IL1RAP: variants seen among roughly 807,000 people sequenced by gnomAD.
The protein encoded by IL1RAP is interleukin-1 receptor accessory protein.
A neutral mutation model predicts 60.7 loss-of-function variants in IL1RAP; 35 were observed. The observed-to-expected ratio is 0.58, with a 90% CI of 0.44 to 0.76. The LOEUF (loss-of-function observed/expected upper bound fraction) is 0.76. Ranked by LOEUF, IL1RAP falls within the 30% of genes least tolerant of loss-of-function variation. The probability of loss-of-function intolerance (pLI) is 0.00; values close to 1 mark genes in which losing one functional copy is unlikely to be tolerated. For missense variants in IL1RAP, 572 were observed against 693.9 expected (o/e 0.82, Z 1.97); for synonymous variants, 268 against 250.9 (o/e 1.07, Z -0.64).
intron 3 of IL1RAP, among the ~76,000 whole-genome samples, chr3:190,594,646 A>G (rs1331366249): frequency 1.3e-5 from 2 of 152,156 alleles, no homozygotes; most frequent in African/African-American, 4.8e-5. Flanking sequence ...TTTTAAACTG[A>G]GTGGCTATGT....
At chr3:190,637,449 A>G (rs1197985084) in intron 9 of IL1RAP, among the ~76,000 whole-genome samples, 1 of 151,748 alleles carries the variant, frequency 6.6e-6, no homozygotes, top group Non-Finnish European at 1.5e-5. Flanking sequence ...CCTACCATTA[A>G]CATTGGTTAT....
At chr3:190,586,657 T>C (rs1192804074) in intron 3 of IL1RAP, among the ~76,000 whole-genome samples, 2 of 152,212 alleles carry the variant, frequency 1.3e-5, no homozygotes, top group Non-Finnish European at 2.9e-5. Flanking sequence ...TCCCAGACAG[T>C]TGATGGAGGA....
chr3:190,626,662 AC>A (rs1330179481), intron 7 of IL1RAP, among the ~76,000 whole-genome samples: 7 of 129,808 alleles, frequency 5.4e-5, no homozygotes, highest in Non-Finnish European at 9.5e-5. Context: ...ATTGTCAGAG[AC>A]CTTTTTTTTT....
intron 1 of IL1RAP, among the ~76,000 whole-genome samples, chr3:190,554,427 C>A (rs963530115): frequency 6.6e-6 from 1 of 152,166 alleles, no homozygotes; most frequent in Non-Finnish European, 1.5e-5. Context: ...CCCGTTCAAC[C>A]AGTGTGCAGA....
intron 7 of IL1RAP, among the ~76,000 whole-genome samples, chr3:190,624,029 A>G (rs566143783): frequency 1.6e-4 from 25 of 152,236 alleles, no homozygotes; most frequent in Admixed American, 3.3e-4. Flanking sequence ...AACATTTTCT[A>G]TGTTGTATCA....
intron 3 of IL1RAP, among the ~76,000 whole-genome samples, chr3:190,578,589 CTT>C (rs1403249690): frequency 6.6e-6 from 1 of 152,158 alleles, no homozygotes; most frequent in Non-Finnish European, 1.5e-5. Context: ...TACCCAAATA[CTT>C]GGAATTTGAA....
chr3:190,629,601 C>A, intron 9 of IL1RAP, 103 bp downstream of exon 9: 1 of 1,467,174 alleles, frequency 6.8e-7, no homozygotes, highest in Non-Finnish European at 9.0e-7. Context: ...AGCACCTAGC[C>A]CGACGGCATC....
chr3:190,544,215 T>C (rs550837243), intron 1 of IL1RAP, among the ~76,000 whole-genome samples: 4 of 152,298 alleles, frequency 2.6e-5, no homozygotes, highest in East Asian at 1.9e-4. Flanking sequence ...CCTTTTATCA[T>C]TGGAAAAATA....
At chr3:190,570,992 G>T (rs1202410874) in intron 3 of IL1RAP, among the ~76,000 whole-genome samples, 1 of 152,094 alleles carries the variant, frequency 6.6e-6, no homozygotes, top group Non-Finnish European at 1.5e-5. Flanking sequence ...TTGCCACCCA[G>T]TGCTACCAAG....
intron 3 of IL1RAP, among the ~76,000 whole-genome samples, chr3:190,578,743 G>A (rs559860990): frequency 6.6e-6 from 1 of 152,306 alleles, no homozygotes; most frequent in Non-Finnish European, 1.5e-5. Context: ...AGCTCCACAT[G>A]GTTGGGGAGG....
At chr3:190,587,249 C>T (rs1402954947) in intron 3 of IL1RAP, among the ~76,000 whole-genome samples, 2 of 152,154 alleles carry the variant, frequency 1.3e-5, no homozygotes, top group East Asian at 1.9e-4. Context: ...TTAGAATCCC[C>T]GTCTCCTACT....
chr3:190,628,784 G>A (rs1040152175), intron 8 of IL1RAP, among the ~76,000 whole-genome samples: 1 of 152,126 alleles, frequency 6.6e-6, no homozygotes, highest in Non-Finnish European at 1.5e-5. Context: ...ATTCCTATGG[G>A]ATAACAGTAA....
At chr3:190,586,933 T>C (rs779148297) in intron 3 of IL1RAP, among the ~76,000 whole-genome samples, 1 of 152,192 alleles carries the variant, frequency 6.6e-6, no homozygotes, top group Non-Finnish European at 1.5e-5. Flanking sequence ...TAATCAAGGA[T>C]GTCATGTTTT....
At chr3:190,659,412 A>G (rs1454203566) in exon 12 of IL1RAP, 1 of 152,216 alleles carries the variant, frequency 6.6e-6, no homozygotes, top group Non-Finnish European at 1.5e-5. Context: ...ATAATAGACT[A>G]TACTTCTACT....
intron 3 of IL1RAP, among the ~76,000 whole-genome samples, chr3:190,566,988 C>G (rs1726466999): frequency 6.6e-6 from 1 of 152,142 alleles, no homozygotes; most frequent in African/African-American, 2.4e-5. Context: ...TTCTGAAAAC[C>G]CTAAAGCAAT....
At chr3:190,593,927 T>G (rs916183145) in intron 3 of IL1RAP, among the ~76,000 whole-genome samples, 1 of 152,164 alleles carries the variant, frequency 6.6e-6, no homozygotes, top group African/African-American at 2.4e-5. Context: ...TCTAGATATT[T>G]AAAATAATTT....
intron 1 of IL1RAP, among the ~76,000 whole-genome samples, chr3:190,537,307 G>T (rs1379087040): frequency 6.6e-6 from 1 of 152,114 alleles, no homozygotes; most frequent in African/African-American, 2.4e-5. Flanking sequence ...GGCATCCCAT[G>T]AGTCCTCTCT....
intron 9 of IL1RAP, among the ~76,000 whole-genome samples, chr3:190,632,798 T>A (rs1459365916): frequency 6.6e-6 from 1 of 152,182 alleles, no homozygotes; most frequent in Non-Finnish European, 1.5e-5. Flanking sequence ...ATGTTTAGTG[T>A]TTTGTTTTTC....
intron 1 of IL1RAP, among the ~76,000 whole-genome samples, chr3:190,532,408 G>GC (rs1560144821): frequency 1.3e-5 from 2 of 151,778 alleles, no homozygotes; most frequent in Non-Finnish European, 2.9e-5. Flanking sequence ...GACTACAGGT[G>GC]CCCGCCACCA....
Sources: gnomAD v4.1 joint callset for allele counts (sites outside exome capture counted in the v4.1 genomes callset) on GRCh38, gnomAD v4.1.1 for gene constraint, MANE v1.5 for transcripts, NCBI Gene and HGNC (gene_info 2026-07-23, HGNC 2026-07-21) for gene names.